The following AFF1 variants were observed in gnomAD, a reference collection of about 807,000 sequenced individuals.
AFF1 encodes AF4/FMR2 family member 1.
A neutral mutation model predicts 121.7 loss-of-function variants in AFF1; 48 were observed. That is an observed-to-expected ratio of 0.39 (90% CI 0.31 to 0.50). The LOEUF (loss-of-function observed/expected upper bound fraction) is 0.50, where lower values mean the gene tolerates loss of function less well. AFF1 is among the 20% of genes least tolerant of loss of function. The pLI, the probability that AFF1 is intolerant of heterozygous loss-of-function variation, is 0.76. For missense variants in AFF1, 1,523 were observed against 1,511.7 expected (o/e 1.01, Z -0.12); for synonymous variants, 613 against 563.0 (o/e 1.09, Z -1.26).
intron 2 of AFF1, among the ~76,000 whole-genome samples, chr4:87,023,936 A>G (rs775160743): frequency 4.2e-4 from 64 of 152,192 alleles, no homozygotes; most frequent in Non-Finnish European, 6.9e-4. Flanking sequence ...GGGCAGGGGC[A>G]TTTCCACTGG....
intron 2 of AFF1, among the ~76,000 whole-genome samples, chr4:86,951,956 A>G (rs1043544708): frequency 4.0e-5 from 6 of 150,082 alleles, no homozygotes; most frequent in African/African-American, 9.8e-5. Flanking sequence ...AAGCTAGACA[A>G]TTGTTTCATC....
chr4:87,131,247 C>CT (rs1728801391), intron 17 of AFF1, 28 bp downstream of exon 17: 1 of 1,612,044 alleles, frequency 6.2e-7, no homozygotes, highest in Non-Finnish European at 8.5e-7. Context: ...GTGCTTTCCT[C>CT]TTAAGTCCTT....
intron 2 of AFF1, among the ~76,000 whole-genome samples, chr4:87,026,975 T>C (rs1167758991): frequency 1.3e-5 from 2 of 152,182 alleles, no homozygotes; most frequent in Non-Finnish European, 2.9e-5. Context: ...GAAATGTGAT[T>C]CCGGTGGTTT....
chr4:86,972,380 A>T (rs185381715), intron 2 of AFF1, among the ~76,000 whole-genome samples: 2 of 152,144 alleles, frequency 1.3e-5, no homozygotes, highest in African/African-American at 4.8e-5. Flanking sequence ...GTCATTGGCC[A>T]TATGTGACTT....
chr4:87,091,277 C>T (rs1363658307), intron 6 of AFF1, among the ~76,000 whole-genome samples: 2 of 152,000 alleles, frequency 1.3e-5, no homozygotes, highest in East Asian at 1.9e-4. Context: ...GTGGCGGGCA[C>T]CTGTAGTCCC....
intron 2 of AFF1, among the ~76,000 whole-genome samples, chr4:86,994,229 G>A (rs1400069877): frequency 2.0e-5 from 3 of 152,184 alleles, no homozygotes; most frequent in East Asian, 1.9e-4. Context: ...CAAAACACAC[G>A]AAGTTGCTAA....
In AFF1 at chr4:87,070,022, T is replaced by C. The variant is rs1721862118; in HGVS notation, c.1060-14098T>C. On this transcript the variant is annotated intron_variant, in intron 4 of 20. Coordinates refer to ENST00000395146, the MANE Select transcript of AFF1 (RefSeq NM_001166693.3). The stretch of plus-strand genomic sequence containing the variant: ...GTTGGTTTTGTTTTTATTTTTGTTT[T>C]GAGATGGAGTCTCGCTTAGTCACCA... Among the ~76,000 whole-genome samples the C allele has an allele frequency of 2.6e-5, 4 of 151,960 alleles. No homozygotes were observed. The South Asian group carries it at 8.3e-4, about 32-fold the overall frequency.
intron 2 of AFF1, among the ~76,000 whole-genome samples, chr4:87,009,597 A>G (rs867129568): frequency 6.6e-6 from 1 of 152,218 alleles, no homozygotes; most frequent in Non-Finnish European, 1.5e-5. Context: ...TGTTGGGAGT[A>G]TATCTCACAT....
In AFF1 at chr4:86,941,067, C is replaced by G. The variant is rs566304661; in HGVS notation, c.-37+5827C>G. Among the ~76,000 whole-genome samples, 4 of 151,790 alleles carry G rather than the reference C, an allele frequency of 2.6e-5. No individual in the cohort carries two copies. The South Asian group carries it at 6.3e-4, about 24-fold the overall frequency. On this transcript the variant is annotated intron_variant, in intron 1 of 20. Coordinates refer to ENST00000395146, the MANE Select transcript of AFF1 (RefSeq NM_001166693.3). ...CGAGATTGTGCCACTGCACTCCAGC[C>G]TGGGTGACAGAACGTGACTCGGTTT... is the stretch of plus-strand genomic sequence containing the variant.
chr4:87,060,140 A>G (rs1664553946), intron 4 of AFF1, among the ~76,000 whole-genome samples: 1 of 151,074 alleles, frequency 6.6e-6, no homozygotes, highest in Non-Finnish European at 1.5e-5. Flanking sequence ...AGTATTAAGT[A>G]ATTTTTGGCA....
intron 2 of AFF1, among the ~76,000 whole-genome samples, chr4:87,017,102 T>TG (rs575487022): frequency 1.4e-3 from 5 of 3,572 alleles, no homozygotes; most frequent in African/African-American, 1.8e-3. Context: ...TATATATGTG[T>TG]TTTTTTTTTT....
intron 2 of AFF1, among the ~76,000 whole-genome samples, chr4:86,983,156 C>G (rs1249298785): frequency 6.6e-6 from 1 of 152,040 alleles, no homozygotes; most frequent in African/African-American, 2.4e-5. Flanking sequence ...TTTAGGAGAC[C>G]AAGGCTGGCA....
At chr4:86,994,604 A>G (rs1435360054) in intron 2 of AFF1, among the ~76,000 whole-genome samples, 1 of 152,214 alleles carries the variant, frequency 6.6e-6, no homozygotes, top group African/African-American at 2.4e-5. Context: ...TTCTGCTCAA[A>G]CAAGCAAACA....
At chr4:86,941,948 T>G (rs1357173009) in intron 1 of AFF1, among the ~76,000 whole-genome samples, 1 of 152,076 alleles carries the variant, frequency 6.6e-6, no homozygotes, top group Non-Finnish European at 1.5e-5. Flanking sequence ...TCCTCCGTTT[T>G]TTTTTTTTCC....
intron 4 of AFF1, among the ~76,000 whole-genome samples, chr4:87,061,301 G>C (rs923763457): frequency 1.3e-5 from 2 of 152,164 alleles, no homozygotes; most frequent in Non-Finnish European, 2.9e-5. Flanking sequence ...TCATTCCATG[G>C]CCCCTCCAGG....
At chr4:87,086,388 A>G (rs1723736567) in intron 5 of AFF1, among the ~76,000 whole-genome samples, 1 of 152,226 alleles carries the variant, frequency 6.6e-6, no homozygotes, top group South Asian at 2.1e-4. Flanking sequence ...GCACCAGACA[A>G]GCATCTTTAA....
rs1729241517 is a variant in AFF1 at position 87,135,621 on chromosome 4, C to T, written c.3577C>T (p.Leu1193Phe). The change falls in exon 21 of 21, where the codon CTC becomes TTC. Residue 1193 changes from leucine (L) to phenylalanine (F), a missense_variant. This residue lies in a region of AFF1 where 241 missense variants were observed against 265.2 expected (regional missense o/e 0.91). Coordinates refer to ENST00000395146, the MANE Select transcript of AFF1 (RefSeq NM_001166693.3). Reference sequence around the variant, plus strand: ...CAGCACAAATGTGTGCACCTTGGCCCTCAACAGCAGTTTGGTGGACCTGGT... The same window carrying T: ...CAGCACAAATGTGTGCACCTTGGCCTTCAACAGCAGTTTGGTGGACCTGGT... Reference protein sequence around the residue: ...RLSTNVCTLALNSSLVDLVHY... With the variant: ...RLSTNVCTLAFNSSLVDLVHY... The T allele has an allele frequency of 6.2e-7, 1 of 1,611,468 alleles. No individual in the cohort carries two copies.
At chr4:86,985,209 AT>A (rs1560518377) in intron 2 of AFF1, among the ~76,000 whole-genome samples, 7,036 of 135,054 alleles carry the variant, frequency 0.052, 303 homozygotes, top group Middle Eastern at 0.087. Flanking sequence ...ATATATATAT[AT>A]ATATAAAATT....
chr4:87,006,668 C>G (rs1381957866), intron 2 of AFF1, among the ~76,000 whole-genome samples: 2 of 152,210 alleles, frequency 1.3e-5, no homozygotes, highest in African/African-American at 4.8e-5. Flanking sequence ...TCTGGGGGCC[C>G]CATATTCAAC....
Sources: allele counts gnomAD v4.1 joint callset (sites outside exome capture counted in the v4.1 genomes callset), GRCh38; gene constraint gnomAD v4.1.1; regional missense constraint gnomAD v4.1.1; transcripts MANE v1.5; gene names NCBI Gene and HGNC (gene_info 2026-07-23, HGNC 2026-07-21).